The following ZNF185 variants were observed in gnomAD, a reference collection of about 807,000 sequenced individuals.
ZNF185 encodes the protein zinc finger protein 185.
A neutral mutation model predicts 58.6 loss-of-function variants in ZNF185; 56 were observed. That is an observed-to-expected ratio of 0.95 (90% confidence interval 0.77 to 1.19). The LOEUF is 1.19. Ranked by LOEUF, ZNF185 falls within the 50% of genes most tolerant of loss-of-function variation. The pLI is 0.00. For synonymous variants in ZNF185, 230 were observed against 215.9 expected (o/e 1.07, Z -0.57); for missense variants, 627 against 573.5 (o/e 1.09, Z -0.95).
intron 14 of ZNF185, among the ~76,000 whole-genome samples, chrX:152,937,372 C>T (rs1327560811): frequency 8.9e-6 from 1 of 111,982 alleles, no homozygotes; most frequent in Admixed American, 9.4e-5. Flanking sequence ...CCGGTGGCCC[C>T]TACGCACAGC....
At chrX:152,917,326 A>T in exon 5 of ZNF185, 1 of 1,211,781 alleles carries the variant, frequency 8.3e-7, no homozygotes, top group Non-Finnish European at 1.1e-6. Context: ...TCCCAGCCCC[A>T]GCAGCAGTTC....
At chrX:152,930,420 C>A (rs1010216443) in intron 12 of ZNF185, among the ~76,000 whole-genome samples, 2 of 111,905 alleles carry the variant, frequency 1.8e-5, no homozygotes, top group African/African-American at 6.5e-5. Flanking sequence ...CGTAAACTAG[C>A]TTTACATGGG....
At chrX:152,900,215 C>T in the ZNF185 span, among the ~76,000 whole-genome samples, 2 of 112,251 alleles carry the variant, frequency 1.8e-5, no homozygotes, top group African/African-American at 6.5e-5. Context: ...AGCACTGGGC[C>T]CAGGACCTGG....
At chrX:152,913,586 G>A (rs782447560), upstream of ZNF185, among the ~76,000 whole-genome samples, 4 of 112,613 alleles carry the variant, frequency 3.6e-5, no homozygotes, top group East Asian at 5.6e-4. Flanking sequence ...GGGCCAGGGC[G>A]TAAGGAAGCC....
At chrX:152,945,033 T>C (rs1384569068) in intron 15 of ZNF185, among the ~76,000 whole-genome samples, 1 of 112,102 alleles carries the variant, frequency 8.9e-6, no homozygotes, top group Non-Finnish European at 1.9e-5. Context: ...TTCGGCTTCA[T>C]CTATTACACA....
At position 152,959,939 on chromosome X, in the gene ZNF185, T is replaced by G. The variant is rs2049293461; in HGVS notation, c.1607+43T>G. 5 of 1,164,073 alleles carry G rather than the reference T, an allele frequency of 4.3e-6. No individual in the cohort carries two copies. The East Asian group carries it at 1.5e-4, about 36-fold the overall frequency. On this transcript the variant is annotated intron_variant, in intron 17 of 22. Coordinates refer to ENST00000449285, the Ensembl canonical transcript of ZNF185. ...CTGGGACCTTACCTGCTAGAGCCAG[T>G]GTTTTTGTCCAGGGCAGCAACCCAG...
upstream of ZNF185, among the ~76,000 whole-genome samples, chrX:152,912,501 T>C (rs1937541805): frequency 1.8e-5 from 2 of 112,145 alleles, no homozygotes; most frequent in Non-Finnish European, 3.8e-5. Flanking sequence ...TGAGTCCTTG[T>C]GCCTGGTACT....
chrX:152,964,848 G>T (rs1027088608), intron 18 of ZNF185, among the ~76,000 whole-genome samples: 1 of 110,491 alleles, frequency 9.1e-6, no homozygotes, highest in African/African-American at 3.3e-5. Flanking sequence ...GGAAATGGGG[G>T]AAAATTTGGG....
chrX:152,926,040 C>G (rs1258256804), intron 11 of ZNF185, among the ~76,000 whole-genome samples: 1 of 112,494 alleles, frequency 8.9e-6, no homozygotes, highest in Non-Finnish European at 1.9e-5. Flanking sequence ...ACCCGAAGCA[C>G]TGGTCAAGCT....
exon 21 of ZNF185, chrX:152,969,468 A>G (rs1307679978): frequency 8.3e-7 from 1 of 1,203,861 alleles, no homozygotes; most frequent in African/African-American, 1.7e-5. Flanking sequence ...ATCTGCTGCC[A>G]TGAATATTGC....
chrX:152,945,056 C>T lies in ZNF185; in HGVS notation c.1212-211C>T, dbSNP rs375807234. On this transcript the variant is annotated intron_variant, in intron 15 of 22. Transcript: ENST00000449285. Reference sequence around the variant, plus strand: ...CATCTATTACACATGGAGGCCTGTTCAGTGAGAAGGGAGCAGCGATGCTGG... The same window carrying T: ...CATCTATTACACATGGAGGCCTGTTTAGTGAGAAGGGAGCAGCGATGCTGG... Among the ~76,000 whole-genome samples, 18 of 112,419 alleles carry T rather than the reference C, an allele frequency of 1.6e-4. No homozygotes were observed. In the East Asian group the frequency reaches 2.8e-3, roughly 18 times the overall value.
At chrX:152,942,288 G>A (rs2047311549) in intron 15 of ZNF185, among the ~76,000 whole-genome samples, 1 of 111,878 alleles carries the variant, frequency 8.9e-6, no homozygotes, top group Non-Finnish European at 1.9e-5. Flanking sequence ...ACAGGGAGAG[G>A]CGGTATAGTA....
chrX:152,969,480 T>G (rs2050452597), exon 21 of ZNF185: 1 of 1,196,812 alleles, frequency 8.4e-7, no homozygotes, highest in African/African-American at 1.7e-5. Flanking sequence ...GAATATTGCT[T>G]TAAGGTAAAA....
In ZNF185 at chrX:152,922,708, C is replaced by G. The variant is rs1167212320; in HGVS notation, c.741-12C>G. The G allele has an allele frequency of 1.9e-5, 23 of 1,192,781 alleles. No individual in the cohort carries two copies. Among genetic ancestry groups the G allele is most frequent in the Non-Finnish European group, 2.5e-5 (22 of 885,496 alleles). ...CATCTCCAGAGCCTCTCACAGCCAC[C>G]TTCTTTGCCAGTGCGGATGGAGGCA... On this transcript the variant is annotated splice_polypyrimidine_tract_variant and intron_variant, in intron 10 of 22. Transcript: ENST00000449285.
intron 19 of ZNF185, among the ~76,000 whole-genome samples, chrX:152,966,199 G>A (rs1422477597): frequency 1.8e-5 from 2 of 109,827 alleles, no homozygotes; most frequent in Admixed American, 9.7e-5. Context: ...TAGAGATGAA[G>A]TTTCACCATG....
chrX:152,910,916 C>T (rs782217577), upstream of ZNF185, among the ~76,000 whole-genome samples: 479 of 112,221 alleles, frequency 4.3e-3, 2 homozygotes, highest in African/African-American at 0.015. Flanking sequence ...GCCACTCTGC[C>T]CTGCTCTCTG....
At chrX:152,954,140 A>T (rs190029772) in intron 16 of ZNF185, among the ~76,000 whole-genome samples, 1,391 of 109,662 alleles carry the variant, frequency 0.013, 23 homozygotes, top group African/African-American at 0.042. Context: ...AAAATAATAA[A>T]AAAAAAAAAG....
At chrX:152,937,980 C>T in intron 14 of ZNF185, 94 bp from the exon 17 acceptor site, 1 of 840,361 alleles carries the variant, frequency 1.2e-6, no homozygotes, top group South Asian at 2.4e-5. Context: ...CACAGTTCCT[C>T]CCTTTCTGGT....
chrX:152,963,864 G>T (rs1556912287), exon 18 of ZNF185: 2 of 1,211,137 alleles, frequency 1.7e-6, no homozygotes, highest in Non-Finnish European at 1.1e-6. Context: ...GAGCTGCATG[G>T]TCACTGTTAC....
Sources: gnomAD v4.1 joint callset for allele counts (sites outside exome capture counted in the v4.1 genomes callset) on GRCh38, gnomAD v4.1.1 for gene constraint, MANE v1.5 for transcripts, NCBI Gene and HGNC (gene_info 2026-07-23, HGNC 2026-07-21) for gene names.